COL7A1: variants seen among roughly 807,000 people sequenced by gnomAD.
The protein encoded by COL7A1 is collagen type VII alpha 1 chain, also known as collagen alpha-1(VII) chain.
In COL7A1, 296 loss-of-function variants were observed where a neutral mutation model predicts 456.2. The ratio of observed to expected loss-of-function variants is 0.65; its 90% CI spans 0.59 to 0.71. The LOEUF is 0.71. COL7A1 is among the 30% of genes least tolerant of loss of function. The pLI is 0.00. For missense variants in COL7A1, 3,441 were observed against 4,017.2 expected (o/e 0.86, Z 3.88); for synonymous variants, 1,464 against 1,525.9 (o/e 0.96, Z 0.95).
At position 48,566,473 on chromosome 3, in the gene COL7A1, C is replaced by T. The variant is rs748726390; in HGVS notation, c.8358+37G>A. On this transcript the variant is annotated intron_variant, in intron 113 of 118. Transcript: ENST00000681320. The surrounding 1 kb of genome is among the most constrained non-coding windows in gnomAD (Gnocchi z 5.9). ...TAGGGCCCCAGCCCACCCAGGCCCACCCAGGCCCTCCCAGGCCCATCCAGG... is the reference window on the plus strand; with the variant it reads ...TAGGGCCCCAGCCCACCCAGGCCCATCCAGGCCCTCCCAGGCCCATCCAGG... 6.2e-7 allele frequency: 1 copy of T among 1,611,318 alleles called. No homozygotes were observed. The highest frequency in any genetic ancestry group is 8.5e-7 in the Non-Finnish European group (1 of 1,178,008).
At position 48,587,857 on chromosome 3, in the gene COL7A1, G is replaced by T. The variant is rs142681592; in HGVS notation, c.2793C>A (p.Arg931=). Residue 931 remains arginine (R), a synonymous_variant, in exon 22 of 119, where the codon CGC becomes CGA. Coordinates refer to ENST00000681320, the MANE Select transcript of COL7A1 (RefSeq NM_000094.4). This position sits in a 1 kb window ranked among gnomAD's most constrained non-coding sequence, Gnocchi z 6.1. ...CTGGCCCTAGGACACTCAGCCTCAC[G>T]CGGTACTGTGTCGCTGGCTCCAGCC... ...LDGLEPATQY[R]VRLSVLGPAG... The T allele has an allele frequency of 9.9e-6, 16 of 1,613,004 alleles. No homozygotes were observed. The highest frequency in any genetic ancestry group is 1.3e-5 in the African/African-American group (1 of 74,880).
Position 48,565,769 on chromosome 3 carries a change from A to G in COL7A1, c.8408-101T>C, listed in dbSNP as rs542035475. 1.7e-5 allele frequency: 19 copies of G among 1,126,508 alleles called. No individual in the cohort carries two copies. The African/African-American group carries it at 3.0e-4, about 17-fold the overall frequency. The allele number at this position is 1,126,508 out of a possible 1,614,324, so 69.8% of individuals were successfully genotyped here. On this transcript the variant is annotated intron_variant, in intron 114 of 118. Coordinates refer to ENST00000681320, the MANE Select transcript of COL7A1 (RefSeq NM_000094.4). The surrounding 1 kb of genome is among the most constrained non-coding windows in gnomAD (Gnocchi z 4.5). ...ACAGGCAGAGGGGTAGAGATACACA[A>G]AGAGATAGCAGGAGAGGGTAACAGG...
In COL7A1 at chr3:48,573,643, C is replaced by T; in HGVS notation, c.6573+47G>A. ...CTCATCAGCTGTGGCCAATGCCTAT[C>T]CCAGCCCTTCCAGACCCTCACCAGG... On this transcript the variant is annotated intron_variant, in intron 82 of 118. Coordinates refer to ENST00000681320, the MANE Select transcript of COL7A1 (RefSeq NM_000094.4). This position sits in a 1 kb window ranked among gnomAD's most constrained non-coding sequence, Gnocchi z 5.5. 2 of 1,612,864 alleles carry T rather than the reference C, an allele frequency of 1.2e-6. No individual in the cohort carries two copies. Among genetic ancestry groups the T allele is most frequent in the Non-Finnish European group, 1.7e-6 (2 of 1,179,408 alleles).
At position 48,594,745 on chromosome 3, in the gene COL7A1, T is replaced by C. The variant is rs1336059127; in HGVS notation, c.86-197A>G. The stretch of plus-strand genomic sequence containing the variant: ...TCCCAGAGCAGACTCCCGCGGAGGG[T>C]TGGGGGTGTGCGGGGGAGGGAGAGT... On this transcript the variant is annotated intron_variant, in intron 2 of 118. Coordinates refer to ENST00000681320, the MANE Select transcript of COL7A1 (RefSeq NM_000094.4). This position sits in a 1 kb window ranked among gnomAD's most constrained non-coding sequence, Gnocchi z 5.5. Among the ~76,000 whole-genome samples, 1 of 151,300 alleles carries C rather than the reference T, an allele frequency of 6.6e-6. No individual in the cohort carries two copies. The highest frequency in any genetic ancestry group is 1.5e-5 in the Non-Finnish European group (1 of 67,822).
In COL7A1 at chr3:48,579,447, G is replaced by A. The variant is rs1304419220; in HGVS notation, c.5271+33C>T. 6.2e-7 allele frequency: 1 copy of A among 1,614,060 alleles called. No individual in the cohort carries two copies. The highest frequency in any genetic ancestry group is 8.5e-7 in the Non-Finnish European group (1 of 1,180,032). ...AGATAAGAGGTGAGGGTAAGATGGG[G>A]ACTTGGCAGACGGGGCAAAGTGCAT... is the stretch of plus-strand genomic sequence containing the variant. On this transcript the variant is annotated intron_variant, in intron 60 of 118. Transcript: ENST00000681320. This position sits in a 1 kb window ranked among gnomAD's most constrained non-coding sequence, Gnocchi z 4.4.
At chr3:48,576,196 G>C in intron 71 of COL7A1, 53 bp downstream of exon 71, 1 of 1,610,226 alleles carries the variant, frequency 6.2e-7, no homozygotes, top group Non-Finnish European at 8.5e-7. Context: ...TGGCAAGGTG[G>C]CCCCAATGGG....
Position 48,593,704 on chromosome 3 carries a change from AGG to A in COL7A1, c.267-10_267-9del, listed in dbSNP as rs1459122333. On this transcript the variant is annotated splice_polypyrimidine_tract_variant and intron_variant, in intron 3 of 118. Coordinates refer to ENST00000681320, the MANE Select transcript of COL7A1 (RefSeq NM_000094.4). The surrounding 1 kb of genome is among the most constrained non-coding windows in gnomAD (Gnocchi z 4.4). Reference sequence around the variant, plus strand: ...TCCAGGCCGAACTCTGTCCTGTTGGAGGGTAGGGGTGGCAACAGGCTAGGACT... The same window carrying A: ...TCCAGGCCGAACTCTGTCCTGTTGGAGTAGGGGTGGCAACAGGCTAGGACT... 6.8e-6 allele frequency: 11 copies of A among 1,613,972 alleles called. No individual in the cohort carries two copies. Among genetic ancestry groups the A allele is most frequent in the Non-Finnish European group, 9.3e-6 (11 of 1,179,972 alleles).
chr3:48,567,774 C>T lies in COL7A1; in HGVS notation c.7930-11G>A. The T allele has an allele frequency of 6.2e-7, 1 of 1,614,178 alleles. No individual in the cohort carries two copies. The highest frequency in any genetic ancestry group is 8.5e-7 in the Non-Finnish European group (1 of 1,180,036). ...GGGACCAGCTTCTCCCTGCAGGCAT[C>T]AGGCAGTGGGGTGAGCCTTAGGCCC... On this transcript the variant is annotated splice_polypyrimidine_tract_variant and intron_variant, in intron 107 of 118. Transcript: ENST00000681320. This position sits in a 1 kb window ranked among gnomAD's most constrained non-coding sequence, Gnocchi z 4.3.
rs1374040867 is a variant in COL7A1 at position 48,570,573 on chromosome 3, C to A, written c.7344+66G>T. ...CCCCAACACCCCACAGTGTGGCCCG[C>A]CCCATCCTAAGTCCTCACGAGGACA... On this transcript the variant is annotated intron_variant, in intron 96 of 118. Coordinates refer to ENST00000681320, the MANE Select transcript of COL7A1 (RefSeq NM_000094.4). This position sits in a 1 kb window ranked among gnomAD's most constrained non-coding sequence, Gnocchi z 5.5. The A allele has an allele frequency of 6.2e-7, 1 of 1,613,300 alleles. No homozygotes were observed. The highest frequency in any genetic ancestry group is 1.3e-5 in the African/African-American group (1 of 74,862).
At position 48,570,233 on chromosome 3, in the gene COL7A1, C is replaced by G. The variant is rs1210730173; in HGVS notation, c.7440+42G>C. On this transcript the variant is annotated intron_variant, in intron 98 of 118. Coordinates refer to ENST00000681320, the MANE Select transcript of COL7A1 (RefSeq NM_000094.4). This position sits in a 1 kb window ranked among gnomAD's most constrained non-coding sequence, Gnocchi z 5.5. ...AGAGGTTGGAAATCAGAGGCAAGAG[C>G]TGGGATGAAGGGAGTTCGGCTGTGG... is the stretch of plus-strand genomic sequence containing the variant. 7 of 1,613,966 alleles carry G rather than the reference C, an allele frequency of 4.3e-6. No individual in the cohort carries two copies. The highest frequency in any genetic ancestry group is 3.3e-5 in the South Asian group (3 of 91,076).
Position 48,589,541 on chromosome 3 carries a change from A to G in COL7A1, c.2170+58T>C, listed in dbSNP as rs531909422. The G allele has an allele frequency of 1.1e-4, 175 of 1,612,266 alleles. 1 individual carries two copies. Among genetic ancestry groups the G allele is most frequent in the South Asian group, 1.0e-3 (91 of 91,030 alleles). On this transcript the variant is annotated intron_variant, in intron 17 of 118. Transcript: ENST00000681320. ...CCCCAGAGCCCCACCTGGACCCCCA[A>G]TAAACCCCCAGCCCCCATTCCACCC...
chr3:48,571,623 C>T lies in COL7A1; in HGVS notation c.7069-345G>A. 1.5e-6 allele frequency: 1 copy of T among 656,604 alleles called. No individual in the cohort carries two copies. 40.7% of individuals were successfully genotyped at this position (656,604 alleles called of 1,614,324 possible). On this transcript the variant is annotated intron_variant, in intron 92 of 118. Coordinates refer to ENST00000681320, the MANE Select transcript of COL7A1 (RefSeq NM_000094.4). This position sits in a 1 kb window ranked among gnomAD's most constrained non-coding sequence, Gnocchi z 4.6. Reference sequence around the variant, plus strand: ...CCAACACGTCCACTCCCGGGTAGAGCAGGCATGGCCACAGGCTGAACGCTG... The same window carrying T: ...CCAACACGTCCACTCCCGGGTAGAGTAGGCATGGCCACAGGCTGAACGCTG...
chr3:48,575,621 C>T lies in COL7A1; in HGVS notation c.5979+5G>A, dbSNP rs993928844. 1.2e-6 allele frequency: 2 copies of T among 1,613,216 alleles called. No homozygotes were observed. Among genetic ancestry groups the T allele is most frequent in the East Asian group, 4.5e-5 (2 of 44,878 alleles). On this transcript the variant is annotated splice_donor_5th_base_variant and intron_variant, in intron 73 of 118. Transcript: ENST00000681320. This position sits in a 1 kb window ranked among gnomAD's most constrained non-coding sequence, Gnocchi z 6.3. ...GGCACAACCCACTGAGCCACTTCTG[C>T]TCACCTCCTTGCCTGGGGGGCCCTG...
In COL7A1 at chr3:48,580,626, C is replaced by T. The variant is rs142999202; in HGVS notation, c.5007G>A (p.Val1669=). The T allele has an allele frequency of 8.7e-6, 14 of 1,613,826 alleles. No individual in the cohort carries two copies. The highest frequency in any genetic ancestry group is 1.6e-4 in the Middle Eastern group (1 of 6,084). The change falls in exon 55 of 119, where the codon GTG becomes GTA. Residue 1669 remains valine (V), a synonymous_variant. Coordinates refer to ENST00000681320, the MANE Select transcript of COL7A1 (RefSeq NM_000094.4). The surrounding 1 kb of genome is among the most constrained non-coding windows in gnomAD (Gnocchi z 4.5). ...GATCTCCCTGGTCTCCCTTTTCACC[C>T]ACAGGCCCCCGAACTCCAGGTGCCC... is the stretch of plus-strand genomic sequence containing the variant. ...LRGAPGVRGP[V]GEKGDQGDPG...
intron 18 of COL7A1, 113 bp downstream of exon 18, chr3:48,589,214 G>C: frequency 6.5e-7 from 1 of 1,543,224 alleles, no homozygotes; most frequent in Admixed American, 1.7e-5. Context: ...GTGGGTCAGT[G>C]TGGACAGGAC....
rs772525118 is a variant in COL7A1, at chr3:48,564,750, C to A, written c.8818+33G>T. 1 of 1,605,154 alleles carries A rather than the reference C, an allele frequency of 6.2e-7. No homozygotes were observed. The highest frequency in any genetic ancestry group is 8.5e-7 in the Non-Finnish European group (1 of 1,174,822). On this transcript the variant is annotated intron_variant, in intron 118 of 118. Coordinates refer to ENST00000681320, the MANE Select transcript of COL7A1 (RefSeq NM_000094.4). This position sits in a 1 kb window ranked among gnomAD's most constrained non-coding sequence, Gnocchi z 6.0. ...GAACCCGATCCAGGCAGGCTCAGTG[C>A]CCAGTTCCCCACGGTGGGGGCTCAG...
Position 48,567,140 on chromosome 3 carries a change from C to G in COL7A1, c.8097G>C (p.Glu2699Asp). The change falls in exon 110 of 119, where the codon GAG (glutamate) becomes GAC (aspartate). Residue 2699 changes from glutamate to aspartate, a missense_variant. By Grantham distance (45) the Glu-to-Asp change is conservative. Transcript: ENST00000681320. The surrounding 1 kb of genome is among the most constrained non-coding windows in gnomAD (Gnocchi z 4.3). ...GGCTTCAACTCACCCGCTCCCCTTT[C>G]TCGCCCTGGTCACCCTTGGGGCCTG... ...GQPGPKGDQG[E>D]KGERGTPGIG... The G allele has an allele frequency of 6.2e-7, 1 of 1,614,092 alleles. No individual in the cohort carries two copies. The highest frequency in any genetic ancestry group is 8.5e-7 in the Non-Finnish European group (1 of 1,179,984).
At chr3:48,589,306 A>G (rs776084569) in intron 18 of COL7A1, 21 bp downstream of exon 18, 1 of 1,611,550 alleles carries the variant, frequency 6.2e-7, no homozygotes, top group Non-Finnish European at 8.5e-7. Context: ...TGTGGCTAGT[A>G]GCTGGCCAGG....
At position 48,568,666 on chromosome 3, in the gene COL7A1, A is replaced by G; in HGVS notation, c.7758+118T>C. ...ACACACAGATCCCGGGTGAACACAC[A>G]TGGGGCCGGCAGCAAGGGAGCCAGA... On this transcript the variant is annotated intron_variant, in intron 104 of 118. Transcript: ENST00000681320. This position sits in a 1 kb window ranked among gnomAD's most constrained non-coding sequence, Gnocchi z 5.2. 3 of 1,469,912 alleles carry G rather than the reference A, an allele frequency of 2.0e-6. No homozygotes were observed. Among genetic ancestry groups the G allele is most frequent in the South Asian group, 1.2e-5 (1 of 82,028 alleles). 91.1% of individuals were successfully genotyped at this position (1,469,912 alleles called of 1,614,324 possible).
Sources: gnomAD v4.1 joint callset for allele counts (sites outside exome capture counted in the v4.1 genomes callset) on GRCh38, gnomAD v4.1.1 for gene constraint, Gnocchi (gnomAD v3.1) non-coding constraint, MANE v1.5 for transcripts, NCBI Gene and HGNC (gene_info 2026-07-23, HGNC 2026-07-21) for gene names.